FMN1: variants seen among roughly 807,000 people sequenced by gnomAD.
FMN1 encodes the protein formin-1.
Under a neutral mutation model 132.4 loss-of-function variants are expected in FMN1, and 110 were observed. The ratio of observed to expected loss-of-function variants is 0.83; its 90% CI spans 0.71 to 0.97. The LOEUF (loss-of-function observed/expected upper bound fraction) is 0.97, where lower values mean the gene tolerates loss of function less well. Ranked by LOEUF, FMN1 falls within the 50% of genes least tolerant of loss-of-function variation. FMN1 has a pLI of 0.00. For missense variants in FMN1, 1,792 were observed against 1,705.3 expected, an observed-to-expected ratio of 1.05 and a Z score of -0.90; for synonymous variants, 722 against 651.7, an observed-to-expected ratio of 1.11 and a Z score of -1.64.
At chr15:33,011,643 G>T (rs1408104772) in intron 6 of FMN1, among the ~76,000 whole-genome samples, 1 of 151,940 alleles carries the variant, frequency 6.6e-6, no homozygotes, top group South Asian at 2.1e-4. Context: ...ATTGACAATA[G>T]ATCAATCTAT....
intron 7 of FMN1, among the ~76,000 whole-genome samples, chr15:33,006,034 T>C (rs17229055): frequency 0.073 from 11,139 of 152,238 alleles, 439 homozygotes; most frequent in South Asian, 0.096. Context: ...CCATACTACT[T>C]ATCGAATAAT....
chr15:32,857,774 TTGAC>T (rs1023375900), intron 16 of FMN1, among the ~76,000 whole-genome samples: 1 of 152,244 alleles, frequency 6.6e-6, no homozygotes, highest in Non-Finnish European at 1.5e-5. Context: ...CTGAGGTGAC[TTGAC>T]TTTTTAAAAA....
Position 32,774,269 on chromosome 15 carries a change from G to C in FMN1, c.*41C>G. 1 of 1,509,284 alleles carries C rather than the reference G, an allele frequency of 6.6e-7. No individual in the cohort carries two copies. Among genetic ancestry groups the C allele is most frequent in the Non-Finnish European group, 9.1e-7 (1 of 1,094,080 alleles). 93.5% of individuals were successfully genotyped at this position (1,509,284 alleles called of 1,614,324 possible). ...TGGTCACAAAGAGTATGCGTGCAAG[G>C]TCCTCCACCTCCAGTGCCATCATTT... On this transcript the variant is annotated 3_prime_UTR_variant, in exon 21 of 21. Coordinates refer to ENST00000616417, the MANE Select transcript of FMN1 (RefSeq NM_001277313.2).
chr15:32,912,778 A>G (rs2060593963), intron 10 of FMN1, among the ~76,000 whole-genome samples: 1 of 152,130 alleles, frequency 6.6e-6, no homozygotes, highest in Non-Finnish European at 1.5e-5. Flanking sequence ...GGACAGAGCA[A>G]AATTTACTCA....
chr15:32,942,090 C>T (rs766657601), intron 9 of FMN1, among the ~76,000 whole-genome samples: 1 of 152,182 alleles, frequency 6.6e-6, no homozygotes, highest in Non-Finnish European at 1.5e-5. Flanking sequence ...CCTTTCCAGA[C>T]CCCTGCCACA....
intron 17 of FMN1, among the ~76,000 whole-genome samples, chr15:32,838,251 G>C (rs190751322): frequency 6.6e-6 from 1 of 151,988 alleles, no homozygotes; most frequent in East Asian, 1.9e-4. Flanking sequence ...CGAGGTAAGA[G>C]AGAAAAAATT....
intron 17 of FMN1, among the ~76,000 whole-genome samples, chr15:32,834,253 A>G (rs1258767): frequency 0.18 from 26,760 of 152,202 alleles, 3,042 homozygotes; most frequent in Non-Finnish European, 0.25. Flanking sequence ...CCATCTCAGG[A>G]TCCTACATCC....
chr15:33,117,766 A>G (rs1347538003), intron 4 of FMN1, among the ~76,000 whole-genome samples: 1 of 152,216 alleles, frequency 6.6e-6, no homozygotes, highest in Non-Finnish European at 1.5e-5. Flanking sequence ...GAACACAAAG[A>G]TTAATATTGC....
intron 4 of FMN1, among the ~76,000 whole-genome samples, chr15:33,129,901 C>G (rs991283911): frequency 2.6e-5 from 4 of 151,786 alleles, no homozygotes; most frequent in African/African-American, 9.7e-5. Context: ...CAAGCCATTC[C>G]CCTACCTCAG....
At chr15:32,874,512 T>C (rs1267231305) in intron 16 of FMN1, among the ~76,000 whole-genome samples, 1 of 152,148 alleles carries the variant, frequency 6.6e-6, no homozygotes, top group Non-Finnish European at 1.5e-5. Context: ...AGGAAGGGCT[T>C]TGCAGATGTT....
chr15:32,921,679 CTTTT>C (rs11421047), intron 10 of FMN1, among the ~76,000 whole-genome samples: 1 of 140,760 alleles, frequency 7.1e-6, no homozygotes, highest in Non-Finnish European at 1.5e-5. Flanking sequence ...TCTTTTTTTT[CTTTT>C]TTTTTTTTTC....
At chr15:32,920,407 C>T (rs1200628670) in intron 10 of FMN1, among the ~76,000 whole-genome samples, 2 of 152,166 alleles carry the variant, frequency 1.3e-5, no homozygotes, top group Non-Finnish European at 2.9e-5. Context: ...TCTTCCTCTA[C>T]AACCAAGGCT....
intron 2 of FMN1, among the ~76,000 whole-genome samples, chr15:33,187,504 T>A (rs1007222680): frequency 2.6e-5 from 4 of 152,044 alleles, no homozygotes; most frequent in African/African-American, 9.7e-5. Flanking sequence ...CCCAGAGAGG[T>A]CACAAGACCC....
intron 3 of FMN1, among the ~76,000 whole-genome samples, chr15:33,159,057 C>T (rs1354688492): frequency 6.6e-6 from 1 of 152,078 alleles, no homozygotes; most frequent in East Asian, 1.9e-4. Context: ...TGGCACATGC[C>T]CGTAATCCCA....
chr15:33,189,737 T>C (rs952349367), intron 2 of FMN1, among the ~76,000 whole-genome samples: 6 of 152,194 alleles, frequency 3.9e-5, no homozygotes, highest in Non-Finnish European at 7.3e-5. Context: ...ATCATTTACC[T>C]ACTTCACAGA....
At chr15:33,101,991 C>G (rs184885933) in intron 4 of FMN1, among the ~76,000 whole-genome samples, 20 of 152,244 alleles carry the variant, frequency 1.3e-4, no homozygotes, top group African/African-American at 4.8e-4. Flanking sequence ...ACAAGTGCTA[C>G]CCATCCTTCA....
intron 9 of FMN1, among the ~76,000 whole-genome samples, chr15:32,956,419 C>A (rs144625958): frequency 6.6e-6 from 1 of 151,906 alleles, no homozygotes; most frequent in East Asian, 1.9e-4. Context: ...GGGGCTGTCT[C>A]ATTTCCAAAT....
intron 6 of FMN1, among the ~76,000 whole-genome samples, chr15:33,049,640 G>A (rs954836736): frequency 1.3e-5 from 2 of 152,186 alleles, no homozygotes; most frequent in Non-Finnish European, 2.9e-5. Flanking sequence ...TCAGCCTACA[G>A]GTTTTTCTAT....
At chr15:32,821,886 C>G (rs1272831824) in intron 17 of FMN1, among the ~76,000 whole-genome samples, 1 of 152,218 alleles carries the variant, frequency 6.6e-6, no homozygotes, top group Admixed American at 6.5e-5. Context: ...TCTACGGTCA[C>G]ATCCAATGCC....
Sources: allele counts gnomAD v4.1 joint callset (sites outside exome capture counted in the v4.1 genomes callset), GRCh38; gene constraint gnomAD v4.1.1; transcripts MANE v1.5; gene names NCBI Gene and HGNC (gene_info 2026-07-23, HGNC 2026-07-21).